The following WRN variants were observed in gnomAD, a reference collection of about 807,000 sequenced individuals.
WRN encodes the protein WRN RecQ like helicase, also known as bifunctional 3'-5' exonuclease/ATP-dependent helicase WRN.
WRN carries 149 observed loss-of-function variants against 180.7 expected under a neutral mutation model. The ratio of observed to expected loss-of-function variants is 0.82; its 90% CI spans 0.72 to 0.94. WRN has a LOEUF of 0.94. Among genes scored for constraint, WRN ranks in the 40% least tolerant of loss-of-function variants. The pLI, the probability that WRN is intolerant of heterozygous loss-of-function variation, is 0.00. For missense variants in WRN, 1,661 were observed against 1,700.1 expected, an observed-to-expected ratio of 0.98 and a Z score of 0.40; for synonymous variants, 548 against 568.9, an observed-to-expected ratio of 0.96 and a Z score of 0.52.
intron 24 of WRN, among the ~76,000 whole-genome samples, chr8:31,135,485 T>C (rs1423263938): frequency 6.6e-6 from 1 of 152,208 alleles, no homozygotes; most frequent in Non-Finnish European, 1.5e-5. Flanking sequence ...TCATCTATTA[T>C]GGAAGATGTT....
intron 34 of WRN, among the ~76,000 whole-genome samples, chr8:31,169,500 T>A (rs974604403): frequency 6.6e-6 from 1 of 152,156 alleles, no homozygotes; most frequent in East Asian, 1.9e-4. Flanking sequence ...TAGATAATTT[T>A]CCTAATGTTT....
intron 8 of WRN, 139 bp from the exon 9 acceptor site, chr8:31,080,728 A>G: frequency 1.4e-6 from 1 of 703,278 alleles, no homozygotes; most frequent in Middle Eastern, 4.0e-4. Context: ...GCATTAGGGA[A>G]TGAAGAACAG....
intron 15 of WRN, 117 bp downstream of exon 15, chr8:31,091,059 G>C: frequency 1.2e-6 from 1 of 818,432 alleles, no homozygotes; most frequent in Non-Finnish European, 2.1e-6. Flanking sequence ...TGCAGGTATT[G>C]CTTTATCTTT....
At chr8:31,055,781 T>A (rs1812249809) in intron 1 of WRN, among the ~76,000 whole-genome samples, 1 of 152,184 alleles carries the variant, frequency 6.6e-6, no homozygotes, top group South Asian at 2.1e-4. Flanking sequence ...CATGTCAAAG[T>A]CATACATGCT....
At chr8:31,100,084 C>T (rs1814160345) in intron 17 of WRN, among the ~76,000 whole-genome samples, 1 of 152,140 alleles carries the variant, frequency 6.6e-6, no homozygotes, top group South Asian at 2.1e-4. Flanking sequence ...AAAAATTATT[C>T]TTAAGTATCA....
intron 33 of WRN, among the ~76,000 whole-genome samples, chr8:31,163,246 C>A (rs1349635872): frequency 2.0e-5 from 3 of 152,200 alleles, no homozygotes; most frequent in Non-Finnish European, 2.9e-5. Context: ...TATTATTCAG[C>A]CACATATTGA....
At chr8:31,060,706 T>C in intron 3 of WRN, among the ~76,000 whole-genome samples, 1 of 152,236 alleles carries the variant, frequency 6.6e-6, no homozygotes, top group Non-Finnish European at 1.5e-5. Flanking sequence ...ACAGAGGAGG[T>C]AAAATCTGTT....
At chr8:31,111,973 A>G (rs894255558) in intron 19 of WRN, among the ~76,000 whole-genome samples, 174 bp downstream of exon 19, 1 of 152,174 alleles carries the variant, frequency 6.6e-6, no homozygotes, top group Non-Finnish European at 1.5e-5. Flanking sequence ...TCAGTGATTG[A>G]GACTAGTGTA....
Position 31,120,256 on chromosome 8 carries a change from C to T in WRN, c.2462C>T (p.Thr821Ile), listed in dbSNP as rs1276836509. The T allele has an allele frequency of 6.2e-7, 1 of 1,612,530 alleles. No individual in the cohort carries two copies. Among genetic ancestry groups the T allele is most frequent in the East Asian group, 2.2e-5 (1 of 44,846 alleles). ...VRDEIQCVIA[T>I]IAFGMGINKA... ...ATTTGTTCTCAGTGTGTCATAGCTA[C>T]CATAGCTTTTGGAATGGGCATTAAT... Residue 821 changes from threonine to isoleucine, a missense_variant, in exon 21 of 35, where the codon ACC becomes ATC. Physicochemically the swap from Thr to Ile is moderately conservative, Grantham distance 89. Transcript: ENST00000298139.
At chr8:31,057,878 A>G (rs1213736753) in intron 1 of WRN, among the ~76,000 whole-genome samples, 1 of 152,196 alleles carries the variant, frequency 6.6e-6, no homozygotes, top group Non-Finnish European at 1.5e-5. Flanking sequence ...AAATCCTCTA[A>G]AAAACTCATT....
chr8:31,142,974 A>T (rs886915169), intron 27 of WRN, among the ~76,000 whole-genome samples: 7 of 151,872 alleles, frequency 4.6e-5, no homozygotes, highest in Non-Finnish European at 1.0e-4. Flanking sequence ...GTCACATGTT[A>T]TAATACTTAT....
intron 26 of WRN, 147 bp downstream of exon 26, chr8:31,141,922 G>A (rs1303930546): frequency 1.3e-6 from 1 of 784,966 alleles, no homozygotes; most frequent in African/African-American, 1.7e-5. Flanking sequence ...TTGGGGGAAG[G>A]GATCTGTGAG....
chr8:31,140,411 T>C (rs888954294), intron 24 of WRN, among the ~76,000 whole-genome samples: 4 of 152,160 alleles, frequency 2.6e-5, no homozygotes, highest in African/African-American at 9.7e-5. Context: ...AAAGTATTTC[T>C]ATATGAAGTG....
rs749959891 is a variant in WRN, at chr8:31,056,972, T to A, written c.-76-1400T>A. ...TTTGGTGGAGATCTTGCAGTCTCTC[T>A]CCCCCAGTGGTGAAAGAATGAGTTA... On this transcript the variant is annotated intron_variant, in intron 1 of 34. Coordinates refer to ENST00000298139, the MANE Select transcript of WRN (RefSeq NM_000553.6). 1.5e-3 allele frequency among the ~76,000 whole-genome samples: 225 copies of A among 152,112 alleles called. 2 individuals are homozygous for A. Among genetic ancestry groups the A allele is most frequent in the Non-Finnish European group, 9.0e-4 (61 of 67,986 alleles).
chr8:31,113,331 T>C (rs1351915886), intron 19 of WRN, among the ~76,000 whole-genome samples: 1 of 151,718 alleles, frequency 6.6e-6, no homozygotes, highest in African/African-American at 2.4e-5. Flanking sequence ...AATCCTGGAG[T>C]TATTCTTGAG....
At chr8:31,154,835 T>A (rs2130471142) in intron 32 of WRN, 80 bp downstream of exon 32, 1 of 1,554,636 alleles carries the variant, frequency 6.4e-7, no homozygotes, top group Non-Finnish European at 8.8e-7. Flanking sequence ...GTATTAAAGT[T>A]CTGACTTGGG....
chr8:31,146,687 G>T lies in WRN; in HGVS notation c.3384-366G>T, dbSNP rs568240042. ...TTTCCCAGTAGGTTAAGAAACCTTG[G>T]TTAAAACCTGTTGTATCCCAGTAAG... On this transcript the variant is annotated intron_variant, in intron 28 of 34. Transcript: ENST00000298139. 3.9e-5 allele frequency among the ~76,000 whole-genome samples: 6 copies of T among 152,224 alleles called. No homozygotes were observed. In the East Asian group the frequency reaches 1.2e-3, roughly 29 times the overall value.
rs2130228707 is a variant in WRN at position 31,100,845 on chromosome 8, A to G, written c.1982-4A>G. 2 of 1,592,970 alleles carry G rather than the reference A, an allele frequency of 1.3e-6. No individual in the cohort carries two copies. The highest frequency in any genetic ancestry group is 2.2e-5 in the South Asian group (2 of 90,364). ...TTCCTTTATGTGTTTTTCTTTTTTT[A>G]CAGGTATCACGCTCATTGCTGTGGA... On this transcript the variant is annotated splice_region_variant and splice_polypyrimidine_tract_variant and intron_variant, in intron 17 of 34. Transcript: ENST00000298139.
At chr8:31,136,623 A>G (rs2130392443) in intron 24 of WRN, among the ~76,000 whole-genome samples, 1 of 152,178 alleles carries the variant, frequency 6.6e-6, no homozygotes, top group Admixed American at 6.5e-5. Flanking sequence ...ATTGCTCGAG[A>G]CCAGGAGTTC....
Sources: allele counts gnomAD v4.1 joint callset (sites outside exome capture counted in the v4.1 genomes callset), GRCh38; gene constraint gnomAD v4.1.1; transcripts MANE v1.5; gene names NCBI Gene and HGNC (gene_info 2026-07-23, HGNC 2026-07-21).